Variants in ASXL2 observed in about 807,000 individuals in gnomAD.
The protein encoded by ASXL2 is ASXL transcriptional regulator 2.
ASXL2 carries 23 observed loss-of-function variants against 122.0 expected under a neutral mutation model. The observed-to-expected ratio is 0.19, with a 90% CI of 0.14 to 0.27. ASXL2 has a LOEUF of 0.27. Ranked by LOEUF, ASXL2 falls within the 10% of genes least tolerant of loss-of-function variation. ASXL2 has a pLI of 1.00. For missense variants in ASXL2, 1,518 were observed against 1,713.8 expected (o/e 0.89, Z 2.02); for synonymous variants, 650 against 637.0 (o/e 1.02, Z -0.31).
At chr2:25,855,691 A>G (rs1032723095) in intron 1 of ASXL2, among the ~76,000 whole-genome samples, 4 of 151,030 alleles carry the variant, frequency 2.6e-5, no homozygotes, top group African/African-American at 9.7e-5. Context: ...AAATATAAAA[A>G]TTAGCCGAGC....
chr2:25,799,333 G>A lies in ASXL2; in HGVS notation c.403+52C>T, dbSNP rs1035107155. On this transcript the variant is annotated intron_variant, in intron 5 of 12. Coordinates refer to ENST00000435504, the MANE Select transcript of ASXL2 (RefSeq NM_018263.6). Reference sequence around the variant, plus strand: ...TGGGAAAAGAGGAACTACTAACAAGGGCATTTGTCCTACAGCATTTAGTAC... The same window carrying A: ...TGGGAAAAGAGGAACTACTAACAAGAGCATTTGTCCTACAGCATTTAGTAC... The A allele has an allele frequency of 6.2e-6, 10 of 1,612,084 alleles. No individual in the cohort carries two copies. The South Asian group carries it at 1.1e-4, about 18-fold the overall frequency.
chr2:25,868,796 A>G (rs929362195), intron 1 of ASXL2, among the ~76,000 whole-genome samples: 3 of 152,180 alleles, frequency 2.0e-5, no homozygotes, highest in Admixed American at 6.5e-5. Flanking sequence ...TAGGAGGCCA[A>G]TAGGAGAGGA....
chr2:25,863,087 T>C (rs1397163099), intron 1 of ASXL2, among the ~76,000 whole-genome samples: 1 of 151,948 alleles, frequency 6.6e-6, no homozygotes, highest in Non-Finnish European at 1.5e-5. Context: ...CCCAGCACTC[T>C]GGAAGGCCGA....
rs1414317373 is a variant in ASXL2 at position 25,767,591 on chromosome 2, A to G, written c.767T>C (p.Leu256Pro). 2 of 1,613,710 alleles carry G rather than the reference A, an allele frequency of 1.2e-6. No individual in the cohort carries two copies. Among genetic ancestry groups the G allele is most frequent in the South Asian group, 2.2e-5 (2 of 91,044 alleles). The part of the protein sequence containing the change: ...GKKSFQRSER[L>P]HTRQMKRTKC... ...TTTGTAAGCAAACTTACTGGTATGG[A>G]GTCTCTCAGATCTCTGGAATGACTT... Residue 256 changes from leucine to proline, a missense_variant, in exon 8 of 13, where the codon CTC becomes CCC. Coordinates refer to ENST00000435504, the MANE Select transcript of ASXL2 (RefSeq NM_018263.6).
intron 3 of ASXL2, among the ~76,000 whole-genome samples, chr2:25,814,789 G>C (rs2089213726): frequency 6.6e-6 from 1 of 152,152 alleles, no homozygotes; most frequent in African/African-American, 2.4e-5. Context: ...GTACTGCTTA[G>C]ATAAAGCAAA....
intron 3 of ASXL2, chr2:25,810,595 G>T: frequency 1.3e-6 from 1 of 745,832 alleles, no homozygotes; most frequent in Admixed American, 1.9e-5. Flanking sequence ...TGCATCATCT[G>T]CCTGCTGCTG....
intron 2 of ASXL2, among the ~76,000 whole-genome samples, chr2:25,837,097 C>T (rs1052235929): frequency 1.6e-5 from 1 of 60,620 alleles, no homozygotes; most frequent in Non-Finnish European, 3.3e-5. Flanking sequence ...GGGGGGGGGG[C>T]GTGGGAAGCA....
At chr2:25,750,500 A>C (rs2088027000) in intron 11 of ASXL2, 87 bp from the exon 12 acceptor site, 1 of 1,196,594 alleles carries the variant, frequency 8.4e-7, no homozygotes, top group Non-Finnish European at 1.2e-6. Context: ...GAAGATGACA[A>C]TGCCTAGGAG....
intron 1 of ASXL2, among the ~76,000 whole-genome samples, chr2:25,866,134 CTT>C (rs779728638): frequency 1.9e-4 from 27 of 141,182 alleles, no homozygotes; most frequent in East Asian, 2.0e-4. Flanking sequence ...TTTCTTTTTT[CTT>C]TTTTTTTTTT....
At chr2:25,772,558 C>G (rs2088473408) in intron 5 of ASXL2, among the ~76,000 whole-genome samples, 2 of 151,738 alleles carry the variant, frequency 1.3e-5, no homozygotes, top group Non-Finnish European at 2.9e-5. Context: ...ATGGAGAAAC[C>G]CTATCTCTAC....
chr2:25,786,243 C>CTTTTTTTTTT lies in ASXL2; in HGVS notation c.403+13132_403+13141dup, dbSNP rs370316025. On this transcript the variant is annotated intron_variant, in intron 5 of 12. Coordinates refer to ENST00000435504, the MANE Select transcript of ASXL2 (RefSeq NM_018263.6). ...AAACAACCTACTACTCCACATCATT[C>CTTTTTTTTTT]TTTTTTTTTTTTTTTTGAGATGGAG... is the stretch of plus-strand genomic sequence containing the variant. 1.8e-4 allele frequency among the ~76,000 whole-genome samples: 20 copies of CTTTTTTTTTT among 112,404 alleles called. 4 individuals carry two copies. Among genetic ancestry groups the CTTTTTTTTTT allele is most frequent in the East Asian group, 1.6e-3 (4 of 2,536 alleles). The allele number at this position is 112,404 out of a possible 152,430, so 73.7% of individuals were successfully genotyped here. A position where few individuals can be genotyped will look rare whatever the true frequency, so the allele number is the denominator to read the frequency against.
At chr2:25,759,970 T>C (rs1357162451) in intron 8 of ASXL2, among the ~76,000 whole-genome samples, 1 of 152,190 alleles carries the variant, frequency 6.6e-6, no homozygotes, top group African/African-American at 2.4e-5. Flanking sequence ...AGAAAGTTTA[T>C]GATAAATGAT....
intron 6 of ASXL2, 58 bp from the exon 7 acceptor site, chr2:25,768,926 T>C (rs769122122): frequency 2.0e-5 from 31 of 1,540,502 alleles, no homozygotes; most frequent in Non-Finnish European, 2.6e-5. Flanking sequence ...AGTAATAATA[T>C]AAATTACTTC....
At chr2:25,825,703 G>A (rs1324912540) in intron 3 of ASXL2, among the ~76,000 whole-genome samples, 1 of 152,102 alleles carries the variant, frequency 6.6e-6, no homozygotes, top group Non-Finnish European at 1.5e-5. Flanking sequence ...TGGATATTTG[G>A]GTTGTTTCTT....
chr2:25,782,953 C>G (rs2088669923), intron 5 of ASXL2, among the ~76,000 whole-genome samples: 1 of 151,942 alleles, frequency 6.6e-6, no homozygotes, highest in African/African-American at 2.4e-5. Flanking sequence ...CATGGTGAAA[C>G]CCCATATCTA....
rs115703995 is a variant in ASXL2 at position 25,877,933 on chromosome 2, G to C, written c.57+233C>G. On this transcript the variant is annotated intron_variant, in intron 1 of 12. Coordinates refer to ENST00000435504, the MANE Select transcript of ASXL2 (RefSeq NM_018263.6). ...CCCCAAAAGACAGCCTCAAAACACTGAGAGGACTCGCCGCAGACGCCGAGG... is the reference window on the plus strand; with the variant it reads ...CCCCAAAAGACAGCCTCAAAACACTCAGAGGACTCGCCGCAGACGCCGAGG... Among the ~76,000 whole-genome samples, 378 of 152,292 alleles carry C rather than the reference G, an allele frequency of 2.5e-3. 2 individuals carry two copies. The highest frequency in any genetic ancestry group is 8.5e-3 in the African/African-American group (354 of 41,566).
At chr2:25,762,665 G>GAA (rs60065368) in intron 8 of ASXL2, among the ~76,000 whole-genome samples, 2,141 of 34,284 alleles carry the variant, frequency 0.062, 142 homozygotes, top group African/African-American at 0.094. Flanking sequence ...ACTCTTTCTC[G>GAA]AAAAAAAAAA....
intron 5 of ASXL2, among the ~76,000 whole-genome samples, chr2:25,786,301 T>C (rs1428091788): frequency 6.8e-6 from 1 of 146,574 alleles, no homozygotes; most frequent in Non-Finnish European, 1.5e-5. Flanking sequence ...AGTGCAGTAG[T>C]GCAATTTTGG....
chr2:25,745,464 C>T (rs903883699), intron 12 of ASXL2, among the ~76,000 whole-genome samples: 13 of 150,240 alleles, frequency 8.7e-5, no homozygotes, highest in African/African-American at 2.9e-4. Context: ...ATACCTGCCT[C>T]GGCCTCCCAA....
Sources: allele counts gnomAD v4.1 joint callset (sites outside exome capture counted in the v4.1 genomes callset), GRCh38; gene constraint gnomAD v4.1.1; transcripts MANE v1.5; gene names NCBI Gene and HGNC (gene_info 2026-07-23, HGNC 2026-07-21).